The following NBAS variants were observed in gnomAD, a reference collection of about 807,000 sequenced individuals.
The protein encoded by NBAS is NBAS subunit of NRZ tethering complex, also known as NAG/BC035112 fusion.
NBAS carries 219 observed loss-of-function variants against 302.5 expected under a neutral mutation model. That is an observed-to-expected ratio of 0.72 (90% CI 0.65 to 0.81). The LOEUF (loss-of-function observed/expected upper bound fraction) is 0.81, where lower values mean the gene tolerates loss of function less well. Among genes scored for constraint, NBAS ranks in the 30% least tolerant of loss-of-function variants. The pLI, the probability that NBAS is intolerant of heterozygous loss-of-function variation, is 0.00. For missense variants in NBAS, 2,932 were observed against 2,841.6 expected, an observed-to-expected ratio of 1.03 and a Z score of -0.72; for synonymous variants, 1,118 against 1,021.6, an observed-to-expected ratio of 1.09 and a Z score of -1.80.
At chr2:14,889,134 C>A in the NBAS span, among the ~76,000 whole-genome samples, 3 of 152,220 alleles carry the variant, frequency 2.0e-5, no homozygotes, top group African/African-American at 7.2e-5. Context: ...CTTTCAGTCC[C>A]TAAGACATTT....
intron 38 of NBAS, among the ~76,000 whole-genome samples, chr2:15,312,935 A>G (rs1005347564): frequency 9.8e-5 from 15 of 152,290 alleles, no homozygotes; most frequent in African/African-American, 3.6e-4. Flanking sequence ...GACCATTTCA[A>G]TAGCCCCCCA....
At chr2:15,502,612 T>C (rs1661629062) in intron 11 of NBAS, among the ~76,000 whole-genome samples, 1 of 152,124 alleles carries the variant, frequency 6.6e-6, no homozygotes. Context: ...GTACAGTAAA[T>C]GGTATAAAAG....
chr2:15,323,868 A>T (rs1469550399), intron 38 of NBAS, among the ~76,000 whole-genome samples: 1 of 150,004 alleles, frequency 6.7e-6, no homozygotes, highest in East Asian at 2.0e-4. Context: ...AAAACAAAAC[A>T]AAACAAAACA....
chr2:15,069,051 G>A, the NBAS span, among the ~76,000 whole-genome samples: 39 of 152,098 alleles, frequency 2.6e-4, no homozygotes, highest in Non-Finnish European at 4.9e-4. Context: ...CTACTCCCAT[G>A]ACAACCCACT....
chr2:15,558,031 T>C (rs16862765), intron 2 of NBAS, among the ~76,000 whole-genome samples: 2,110 of 152,322 alleles, frequency 0.014, 46 homozygotes, highest in African/African-American at 0.042. Flanking sequence ...CCACTGACTT[T>C]CTGAGACTCA....
chr2:14,923,060 G>A, the NBAS span, among the ~76,000 whole-genome samples: 1 of 152,192 alleles, frequency 6.6e-6, no homozygotes, highest in African/African-American at 2.4e-5. Flanking sequence ...GCTGAGGCAG[G>A]AGAATGGCAT....
chr2:15,301,553 G>C (rs377496578), intron 40 of NBAS, among the ~76,000 whole-genome samples: 15 of 152,308 alleles, frequency 9.8e-5, no homozygotes, highest in African/African-American at 3.6e-4. Context: ...TCAATTCCTG[G>C]AGACAGCGCC....
chr2:15,543,198 C>T (rs1663935149), intron 6 of NBAS, among the ~76,000 whole-genome samples: 1 of 152,186 alleles, frequency 6.6e-6, no homozygotes, highest in Admixed American at 6.5e-5. Flanking sequence ...TTTTCATCAG[C>T]TGTAGCTCCT....
chr2:15,377,162 G>A (rs1472945115), intron 30 of NBAS, among the ~76,000 whole-genome samples: 4 of 152,056 alleles, frequency 2.6e-5, no homozygotes, highest in Admixed American at 2.0e-4. Flanking sequence ...GATAGGCATA[G>A]GGTAAATATT....
chr2:14,867,640 A>C, the NBAS span, among the ~76,000 whole-genome samples: 1 of 152,352 alleles, frequency 6.6e-6, no homozygotes, highest in South Asian at 2.1e-4. Flanking sequence ...CATTAATTAG[A>C]ATATGTAATA....
chr2:14,980,700 C>T, the NBAS span, among the ~76,000 whole-genome samples: 6 of 151,990 alleles, frequency 3.9e-5, no homozygotes, highest in African/African-American at 1.5e-4. Context: ...GAAAAATGGA[C>T]TCTCACGTGA....
At chr2:14,972,115 C>T in the NBAS span, among the ~76,000 whole-genome samples, 6 of 152,120 alleles carry the variant, frequency 3.9e-5, no homozygotes, top group Admixed American at 1.3e-4. Context: ...GAATACTACG[C>T]AGCCATAAAA....
At chr2:15,070,561 C>A in the NBAS span, among the ~76,000 whole-genome samples, 2 of 152,130 alleles carry the variant, frequency 1.3e-5, no homozygotes, top group Non-Finnish European at 2.9e-5. Context: ...CTCGGCCAGG[C>A]CAAAGGCAAG....
chr2:15,379,470 A>C (rs1290162093), intron 30 of NBAS, 132 bp downstream of exon 30: 1 of 803,410 alleles, frequency 1.2e-6, no homozygotes, highest in Non-Finnish European at 1.9e-6. Flanking sequence ...CAAGCAAAAA[A>C]TAACTGTGCC....
rs143016238 is a variant in NBAS, at chr2:15,166,972, A to G, written c.*76T>C. ...TGGAACCATGGAGAACAATCGGCAG[A>G]TACACATGTTGCTTCTGGGAACAGC... On this transcript the variant is annotated 3_prime_UTR_variant, in exon 52 of 52. Coordinates refer to ENST00000281513, the MANE Select transcript of NBAS (RefSeq NM_015909.4). 3.5e-4 allele frequency: 511 copies of G among 1,474,546 alleles called. 3 individuals are homozygous for G. In the African/African-American group the frequency reaches 6.7e-3, roughly 19 times the overall value. 91.3% of individuals were successfully genotyped at this position (1,474,546 alleles called of 1,614,324 possible). A position where few individuals can be genotyped will look rare whatever the true frequency, so the allele number is the denominator to read the frequency against.
chr2:14,978,430 A>G, the NBAS span, among the ~76,000 whole-genome samples: 1 of 152,204 alleles, frequency 6.6e-6, no homozygotes, highest in Non-Finnish European at 1.5e-5. Context: ...TGATTAATCA[A>G]TATTGCATTA....
rs369911391 is a variant in NBAS, at chr2:15,292,671, C to T, written c.4893G>A (p.Gln1631=). 8 of 1,614,094 alleles carry T rather than the reference C, an allele frequency of 5.0e-6. No individual in the cohort carries two copies. Among genetic ancestry groups the T allele is most frequent in the Non-Finnish European group, 6.8e-6 (8 of 1,180,056 alleles). Residue 1631 remains glutamine, a synonymous_variant, in exon 41 of 52, where the codon CAG becomes CAA. Transcript: ENST00000281513. ...GGAGACGTTCATTGTAGCAGTGTAA[C>T]TGCTTGGTCAGTGAAATAAGGTCTT... ...WPEDLISLTK[Q]LHCYNERLLD...
the NBAS span, among the ~76,000 whole-genome samples, chr2:15,139,282 G>C: frequency 6.6e-6 from 1 of 152,140 alleles, no homozygotes; most frequent in Non-Finnish European, 1.5e-5. Context: ...ATGGTCTGCT[G>C]CCTTCAGTAC....
At chr2:14,840,386 A>C in the NBAS span, among the ~76,000 whole-genome samples, 1 of 152,086 alleles carries the variant, frequency 6.6e-6, no homozygotes, top group African/African-American at 2.4e-5. Context: ...AATAACAAAA[A>C]ACATTCCAAA....
Sources: allele counts gnomAD v4.1 joint callset (sites outside exome capture counted in the v4.1 genomes callset), GRCh38; gene constraint gnomAD v4.1.1; transcripts MANE v1.5; gene names NCBI Gene and HGNC (gene_info 2026-07-23, HGNC 2026-07-21).